The following KDM4C variants were observed in gnomAD, a reference collection of about 807,000 sequenced individuals.
KDM4C encodes lysine demethylase 4C, also known as lysine-specific demethylase 4C.
In KDM4C, 81 loss-of-function variants were observed where a neutral mutation model predicts 129.3. The observed-to-expected ratio is 0.63, with a 90% CI of 0.52 to 0.75. KDM4C has a LOEUF of 0.75. Among genes scored for constraint, KDM4C ranks in the 30% least tolerant of loss-of-function variants. The probability of loss-of-function intolerance (pLI) is 0.00; values close to 1 mark genes in which losing one functional copy is unlikely to be tolerated. For missense variants in KDM4C, 1,457 were observed against 1,304.0 expected, an observed-to-expected ratio of 1.12 and a Z score of -1.81; for synonymous variants, 573 against 456.1, an observed-to-expected ratio of 1.26 and a Z score of -3.26.
At chr9:6,860,636 A>T (rs1352870736) in intron 5 of KDM4C, among the ~76,000 whole-genome samples, 1 of 152,180 alleles carries the variant, frequency 6.6e-6, no homozygotes, top group East Asian at 1.9e-4. Flanking sequence ...ACAAAAAAAG[A>T]TTTGCTAGGA....
At chr9:7,073,675 A>AGCCC (rs1833519470) in intron 17 of KDM4C, among the ~76,000 whole-genome samples, 1 of 152,238 alleles carries the variant, frequency 6.6e-6, no homozygotes, top group African/African-American at 2.4e-5. Flanking sequence ...CTATATCTGC[A>AGCCC]TTATTTCAGC....
chr9:7,156,919 A>C (rs1843237777), intron 19 of KDM4C, among the ~76,000 whole-genome samples: 1 of 152,238 alleles, frequency 6.6e-6, no homozygotes, highest in Non-Finnish European at 1.5e-5. Context: ...TGGGGATGGC[A>C]TTGAATCTAT....
intron 15 of KDM4C, among the ~76,000 whole-genome samples, chr9:7,030,727 G>A (rs1171684542): frequency 6.6e-6 from 1 of 152,128 alleles, no homozygotes. Context: ...TTCAATATAT[G>A]CCTTACAGTT....
In KDM4C at chr9:7,018,172, C is replaced by T. The variant is rs184685254; in HGVS notation, c.2259+2243C>T. Among the ~76,000 whole-genome samples the T allele has an allele frequency of 3.9e-5, 6 of 152,320 alleles. No individual in the cohort carries two copies. In the South Asian group the frequency reaches 6.2e-4, roughly 16 times the overall value. On this transcript the variant is annotated intron_variant, in intron 15 of 21. Coordinates refer to ENST00000381309, the MANE Select transcript of KDM4C (RefSeq NM_015061.6). Reference sequence around the variant, plus strand: ...CCTGGATGGTATAGCCTGCTACACACCTAGGCTGTACGATGTAGCCCATTG... The same window carrying T: ...CCTGGATGGTATAGCCTGCTACACATCTAGGCTGTACGATGTAGCCCATTG...
At chr9:7,116,977 G>A (rs1257701789) in intron 18 of KDM4C, among the ~76,000 whole-genome samples, 1 of 152,152 alleles carries the variant, frequency 6.6e-6, no homozygotes. Flanking sequence ...TTTGTATAGT[G>A]TCTTTTATAG....
intron 16 of KDM4C, among the ~76,000 whole-genome samples, chr9:7,048,549 C>G (rs1284564282): frequency 6.6e-6 from 1 of 151,918 alleles, no homozygotes; most frequent in Admixed American, 6.6e-5. Flanking sequence ...TTCTTTTTGT[C>G]TCTGGGTTTC....
At chr9:6,798,256 C>CT (rs71315565) in intron 2 of KDM4C, among the ~76,000 whole-genome samples, 20 of 142,114 alleles carry the variant, frequency 1.4e-4, no homozygotes, top group Admixed American at 2.1e-4. Context: ...TTCTTTCTTT[C>CT]TTTTTTTTTT....
chr9:7,103,578 T>G (rs561901809), intron 17 of KDM4C, 107 bp from the exon 18 acceptor site: 5 of 871,462 alleles, frequency 5.7e-6, no homozygotes, highest in East Asian at 2.5e-5. Flanking sequence ...ATGTAATCAG[T>G]TGTTTTTTTT....
At chr9:6,946,968 A>G (rs1827084540) in intron 8 of KDM4C, among the ~76,000 whole-genome samples, 1 of 152,142 alleles carries the variant, frequency 6.6e-6, no homozygotes, top group Admixed American at 6.5e-5. Context: ...ATATTCCAGC[A>G]GCTCCTCTGA....
intron 15 of KDM4C, among the ~76,000 whole-genome samples, chr9:7,040,238 T>G (rs1288312025): frequency 6.6e-6 from 1 of 152,038 alleles, no homozygotes; most frequent in Non-Finnish European, 1.5e-5. Flanking sequence ...CACAGTGTTA[T>G]TATTTTTGTT....
intron 17 of KDM4C, among the ~76,000 whole-genome samples, chr9:7,074,049 C>G (rs1446726177): frequency 6.6e-6 from 1 of 152,154 alleles, no homozygotes; most frequent in East Asian, 1.9e-4. Flanking sequence ...TAAAGAACAG[C>G]AAACTAATCT....
Position 6,940,862 on chromosome 9 carries a change from A to G in KDM4C, c.922-40063A>G, listed in dbSNP as rs188015434. On this transcript the variant is annotated intron_variant, in intron 8 of 21. Transcript: ENST00000381309. ...TATGCTCTCTGATAAAGTCTAATATACAGCATCTATAAGAAACTTAAATTT... is the reference window on the plus strand; with the variant it reads ...TATGCTCTCTGATAAAGTCTAATATGCAGCATCTATAAGAAACTTAAATTT... Among the ~76,000 whole-genome samples, 92 of 151,950 alleles carry G rather than the reference A, an allele frequency of 6.1e-4. 1 individual carries two copies. The highest frequency in any genetic ancestry group is 2.2e-3 in the African/African-American group (90 of 41,496).
At chr9:6,943,063 C>G (rs1826252614) in intron 8 of KDM4C, among the ~76,000 whole-genome samples, 1 of 152,002 alleles carries the variant, frequency 6.6e-6, no homozygotes, top group Non-Finnish European at 1.5e-5. Context: ...GAGACGAGGT[C>G]TTGCCATGGT....
intron 17 of KDM4C, among the ~76,000 whole-genome samples, chr9:7,080,048 T>A (rs541190200): frequency 1.3e-5 from 2 of 149,734 alleles, no homozygotes; most frequent in African/African-American, 2.5e-5. Context: ...AAAAAAAAAA[T>A]GGCACTTCAT....
chr9:6,919,357 C>T (rs995771275), intron 8 of KDM4C, among the ~76,000 whole-genome samples: 11 of 150,210 alleles, frequency 7.3e-5, no homozygotes, highest in Non-Finnish European at 1.6e-4. Flanking sequence ...CAAATATTAT[C>T]TCCCATTATG....
chr9:6,783,176 T>C (rs1824735315), intron 1 of KDM4C, among the ~76,000 whole-genome samples: 1 of 152,188 alleles, frequency 6.6e-6, no homozygotes, highest in South Asian at 2.1e-4. Flanking sequence ...TCTGCTTCCC[T>C]TTATTGCAGC....
intron 15 of KDM4C, among the ~76,000 whole-genome samples, chr9:7,024,399 T>C (rs1292517478): frequency 1.3e-5 from 2 of 151,764 alleles, no homozygotes; most frequent in East Asian, 1.9e-4. Context: ...TTGTTACATA[T>C]GTATACATGT....
At chr9:7,159,037 A>G (rs781037297) in intron 19 of KDM4C, among the ~76,000 whole-genome samples, 11 of 152,182 alleles carry the variant, frequency 7.2e-5, no homozygotes, top group Non-Finnish European at 1.0e-4. Flanking sequence ...TATTGGGTGC[A>G]TATATATTTA....
At chr9:7,169,210 C>G (rs905250540) in intron 20 of KDM4C, among the ~76,000 whole-genome samples, 3 of 152,200 alleles carry the variant, frequency 2.0e-5, no homozygotes, top group African/African-American at 7.2e-5. Flanking sequence ...TTGTGATTTC[C>G]ATTTGATCAG....
Sources: gnomAD v4.1 joint callset for allele counts (sites outside exome capture counted in the v4.1 genomes callset) on GRCh38, gnomAD v4.1.1 for gene constraint, MANE v1.5 for transcripts, NCBI Gene and HGNC (gene_info 2026-07-23, HGNC 2026-07-21) for gene names.